Variants in SLC25A26 observed in about 807,000 individuals in gnomAD.
SLC25A26 encodes the protein solute carrier family 25 member 26.
SLC25A26 carries 36 observed loss-of-function variants against 37.8 expected under a neutral mutation model. That is an observed-to-expected ratio of 0.95 (90% CI 0.73 to 1.26). The LOEUF (loss-of-function observed/expected upper bound fraction) is 1.26. SLC25A26 is among the 50% of genes most tolerant of loss of function. The probability of loss-of-function intolerance (pLI) is 0.00; values close to 1 mark genes in which losing one functional copy is unlikely to be tolerated. For synonymous variants in SLC25A26, 129 were observed against 122.5 expected, an observed-to-expected ratio of 1.05 and a Z score of -0.35; for missense variants, 390 against 331.1, an observed-to-expected ratio of 1.18 and a Z score of -1.38.
chr3:66,175,864 T>C (rs1432547788), intron 1 of SLC25A26, among the ~76,000 whole-genome samples: 1 of 152,226 alleles, frequency 6.6e-6, no homozygotes, highest in East Asian at 1.9e-4. Context: ...CTGGTTTAAA[T>C]GTTAACCTCA....
At chr3:66,221,590 A>C (rs1553658467) in intron 1 of SLC25A26, among the ~76,000 whole-genome samples, 1 of 151,992 alleles carries the variant, frequency 6.6e-6, no homozygotes, top group South Asian at 2.1e-4. Context: ...CCTTCTGTTC[A>C]TTCAATACAT....
intron 1 of SLC25A26, among the ~76,000 whole-genome samples, chr3:66,171,511 G>T (rs918296347): frequency 1.3e-5 from 2 of 151,332 alleles, no homozygotes; most frequent in South Asian, 4.2e-4. Context: ...TTTTTTTTGA[G>T]CAGAGTCTTG....
At chr3:66,187,205 C>A (rs979275599) in intron 1 of SLC25A26, among the ~76,000 whole-genome samples, 2 of 151,706 alleles carry the variant, frequency 1.3e-5, no homozygotes, top group Non-Finnish European at 2.9e-5. Flanking sequence ...CATCCATGAT[C>A]CTTATCATGT....
At chr3:66,356,439 C>G (rs1339507024) in intron 6 of SLC25A26, among the ~76,000 whole-genome samples, 1 of 152,058 alleles carries the variant, frequency 6.6e-6, no homozygotes, top group African/African-American at 2.4e-5. Flanking sequence ...ACTGAGTATC[C>G]TAAAGAATAA....
At chr3:66,313,879 G>A (rs1263047507) in intron 5 of SLC25A26, among the ~76,000 whole-genome samples, 5 of 152,038 alleles carry the variant, frequency 3.3e-5, no homozygotes, top group Non-Finnish European at 5.9e-5. Context: ...TCTCTTTGTA[G>A]CAATTGTGAA....
At chr3:66,205,936 C>T (rs2071170410) in intron 1 of SLC25A26, among the ~76,000 whole-genome samples, 1 of 151,950 alleles carries the variant, frequency 6.6e-6, no homozygotes, top group Non-Finnish European at 1.5e-5. Flanking sequence ...AAAAGTGAGG[C>T]AGAAAAAGGG....
chr3:66,163,321 G>A (rs773865312), intron 1 of SLC25A26, among the ~76,000 whole-genome samples: 3 of 152,122 alleles, frequency 2.0e-5, no homozygotes, highest in East Asian at 1.9e-4. Flanking sequence ...AGAGATAGAC[G>A]TGTTGCAGAG....
intron 1 of SLC25A26, among the ~76,000 whole-genome samples, chr3:66,215,081 C>T (rs941563422): frequency 8.6e-5 from 13 of 151,972 alleles, no homozygotes; most frequent in African/African-American, 2.7e-4. Context: ...GCCTAGAGAG[C>T]GCCACTACAT....
At chr3:66,337,487 T>C (rs552989740) in intron 5 of SLC25A26, among the ~76,000 whole-genome samples, 1 of 152,208 alleles carries the variant, frequency 6.6e-6, no homozygotes, top group East Asian at 1.9e-4. Flanking sequence ...GAAAGAATGA[T>C]AGATCTATTA....
At chr3:66,148,467 G>A (rs2070151962) in intron 1 of SLC25A26, among the ~76,000 whole-genome samples, 1 of 152,190 alleles carries the variant, frequency 6.6e-6, no homozygotes, top group African/African-American at 2.4e-5. Context: ...TGAGGACAGA[G>A]GGGAAGCACC....
intron 1 of SLC25A26, among the ~76,000 whole-genome samples, chr3:66,227,743 G>A (rs2071824234): frequency 6.6e-6 from 1 of 152,118 alleles, no homozygotes; most frequent in East Asian, 1.9e-4. Flanking sequence ...TGATACTTGG[G>A]TGTCTTCTCA....
At chr3:66,249,359 A>G (rs2072989156) in intron 3 of SLC25A26, among the ~76,000 whole-genome samples, 2 of 152,204 alleles carry the variant, frequency 1.3e-5, no homozygotes, top group African/African-American at 2.4e-5. Flanking sequence ...TGGTATCAGC[A>G]TATGGGGCAA....
chr3:66,341,369 A>G (rs1394525042), intron 5 of SLC25A26, among the ~76,000 whole-genome samples: 1 of 152,178 alleles, frequency 6.6e-6, no homozygotes, highest in Non-Finnish European at 1.5e-5. Flanking sequence ...TTACAGACTA[A>G]TTTGACATTG....
intron 5 of SLC25A26, among the ~76,000 whole-genome samples, chr3:66,279,390 C>T (rs574084077): frequency 6.6e-6 from 1 of 152,268 alleles, no homozygotes; most frequent in South Asian, 2.1e-4. Flanking sequence ...CAGGTTTTGC[C>T]AACAGCTCTG....
intron 3 of SLC25A26, among the ~76,000 whole-genome samples, chr3:66,244,789 C>G (rs1680399): frequency 0.13 from 19,814 of 151,476 alleles, 2,122 homozygotes; most frequent in East Asian, 0.28. Flanking sequence ...TGGCTAACAC[C>G]GTGAAACCCC....
At chr3:66,365,342 A>T (rs1301869263) in intron 7 of SLC25A26, among the ~76,000 whole-genome samples, 1 of 152,212 alleles carries the variant, frequency 6.6e-6, no homozygotes, top group Non-Finnish European at 1.5e-5. Flanking sequence ...TTTGTAAACT[A>T]CTTGGCGCAA....
intron 5 of SLC25A26, chr3:66,304,467 T>G (rs1432326891): frequency 2.2e-6 from 1 of 456,378 alleles, no homozygotes; most frequent in Non-Finnish European, 4.4e-6. Flanking sequence ...AGGATTAGAG[T>G]CAAAGGTGTG....
chr3:66,306,151 AT>A (rs1463761622), intron 5 of SLC25A26, among the ~76,000 whole-genome samples: 1 of 152,024 alleles, frequency 6.6e-6, no homozygotes, highest in Non-Finnish European at 1.5e-5. Flanking sequence ...TGCCCAGCTA[AT>A]TTTTTGTTTA....
Position 66,221,080 on chromosome 3 carries a change from G to T in SLC25A26, c.-15G>T, listed in dbSNP as rs2071465791. The stretch of plus-strand genomic sequence containing the variant: ...CTCCGGCTTGGATTGTAGCCTTGAC[G>T]AGGTCTGAGCGACCATGGACCGGCC... On this transcript the variant is annotated 5_prime_UTR_variant, in exon 1 of 10. Transcript: ENST00000354883. 6.5e-7 allele frequency: 1 copy of T among 1,535,026 alleles called. No individual in the cohort carries two copies. Among genetic ancestry groups the T allele is most frequent in the Admixed American group, 2.0e-5 (1 of 50,802 alleles).
Sources: allele counts gnomAD v4.1 joint callset (sites outside exome capture counted in the v4.1 genomes callset), GRCh38; gene constraint gnomAD v4.1.1; transcripts MANE v1.5; gene names NCBI Gene and HGNC (gene_info 2026-07-23, HGNC 2026-07-21).